The following SARNP variants were observed in gnomAD, a reference collection of about 807,000 sequenced individuals.
SARNP encodes the protein SAP domain-containing ribonucleoprotein.
SARNP carries 5 observed loss-of-function variants against 38.1 expected under a neutral mutation model. That is an observed-to-expected ratio of 0.13 (90% CI 0.07 to 0.28). SARNP has a LOEUF of 0.28. Ranked by LOEUF, SARNP falls within the 10% of genes least tolerant of loss-of-function variation. The pLI is 1.00. For missense variants in SARNP, 180 were observed against 243.9 expected, an observed-to-expected ratio of 0.74 and a Z score of 1.75; for synonymous variants, 84 against 80.6, an observed-to-expected ratio of 1.04 and a Z score of -0.23.
chr12:55,798,232 C>T (rs1233889556), intron 4 of SARNP, among the ~76,000 whole-genome samples: 1 of 152,132 alleles, frequency 6.6e-6, no homozygotes, highest in Non-Finnish European at 1.5e-5. Flanking sequence ...ATTACTGGCT[C>T]ACACCTGTAA....
At chr12:55,770,531 G>A (rs1203278012) in intron 9 of SARNP, among the ~76,000 whole-genome samples, 4 of 151,844 alleles carry the variant, frequency 2.6e-5, no homozygotes, top group African/African-American at 4.8e-5. Flanking sequence ...GAGCCACCAC[G>A]CCCAGCCTAT....
chr12:55,814,206 A>G (rs920721372), intron 1 of SARNP, among the ~76,000 whole-genome samples: 8 of 152,170 alleles, frequency 5.3e-5, no homozygotes, highest in Admixed American at 2.6e-4. Flanking sequence ...CGCTCCCCCT[A>G]CAAATCCCAT....
At chr12:55,768,968 C>T (rs1454374705) in intron 9 of SARNP, among the ~76,000 whole-genome samples, 1 of 152,190 alleles carries the variant, frequency 6.6e-6, no homozygotes, top group Non-Finnish European at 1.5e-5. Flanking sequence ...CCACCCTCCT[C>T]AGCCTCTCAA....
chr12:55,806,829 C>T (rs923489417), intron 1 of SARNP, among the ~76,000 whole-genome samples: 25 of 152,254 alleles, frequency 1.6e-4, no homozygotes, highest in African/African-American at 6.0e-4. Flanking sequence ...TGAGCCACCG[C>T]GCCCGGCCTT....
At position 55,778,233 on chromosome 12, in the gene SARNP, A is replaced by G. The variant is rs147236230; in HGVS notation, c.501+10842T>C. On this transcript the variant is annotated intron_variant, in intron 9 of 10. Transcript: ENST00000336133. ...ATGATCTCAGCTTACTGAGACCTCCACCTCCACGGTTCAAGCAATTCTCGT... is the reference window on the plus strand; with the variant it reads ...ATGATCTCAGCTTACTGAGACCTCCGCCTCCACGGTTCAAGCAATTCTCGT... Among the ~76,000 whole-genome samples, 430 of 152,018 alleles carry G rather than the reference A, an allele frequency of 2.8e-3. 1 individual carries two copies. Among genetic ancestry groups the G allele is most frequent in the African/African-American group, 9.8e-3 (408 of 41,430 alleles).
intron 7 of SARNP, among the ~76,000 whole-genome samples, chr12:55,792,344 G>A (rs6581083): frequency 0.99 from 151,191 of 152,232 alleles, 75,091 homozygotes; most frequent in Middle Eastern, 1. Flanking sequence ...CTACATTTAA[G>A]TTTTAAGTTC....
chr12:55,776,571 T>G (rs760399369), intron 9 of SARNP, among the ~76,000 whole-genome samples: 7 of 152,174 alleles, frequency 4.6e-5, no homozygotes, highest in Non-Finnish European at 7.3e-5. Flanking sequence ...ATTGTTGTAT[T>G]TTTCCCCCCA....
intron 1 of SARNP, among the ~76,000 whole-genome samples, chr12:55,803,940 G>C (rs1257627769): frequency 6.6e-6 from 1 of 152,102 alleles, no homozygotes; most frequent in Admixed American, 6.5e-5. Flanking sequence ...AGATGCTGAA[G>C]AATAAACATC....
chr12:55,803,516 G>T, intron 2 of SARNP, 113 bp downstream of exon 2: 1 of 564,692 alleles, frequency 1.8e-6, no homozygotes, highest in Non-Finnish European at 3.1e-6. Context: ...TCTTGATGCC[G>T]TTAATTAAGA....
downstream of SARNP, chr12:55,752,868 G>C (rs778424132): frequency 5.3e-5 from 8 of 152,120 alleles, no homozygotes; most frequent in Non-Finnish European, 1.0e-4. Flanking sequence ...AGCGGTCAAA[G>C]AGTTTAGAAT....
At position 55,815,262 on chromosome 12, in the gene SARNP, G is replaced by A. The variant is rs192840992; in HGVS notation, c.36+2404C>T. ...TTTTGTAGAGACAGGGTCTCACTAT[G>A]TTACCTAAGCTGGTCTCAAACTCCT... On this transcript the variant is annotated intron_variant, in intron 1 of 10. Transcript: ENST00000336133. Among the ~76,000 whole-genome samples the A allele has an allele frequency of 4.4e-3, 671 of 152,192 alleles. 6 individuals are homozygous for A. The highest frequency in any genetic ancestry group is 6.7e-3 in the Non-Finnish European group (458 of 67,998).
intron 2 of SARNP, among the ~76,000 whole-genome samples, chr12:55,801,885 T>C (rs1414097345): frequency 6.6e-6 from 1 of 152,158 alleles, no homozygotes; most frequent in Non-Finnish European, 1.5e-5. Flanking sequence ...CCCAAAGTGC[T>C]GAGTTACAGG....
In SARNP at chr12:55,782,414, C is replaced by T. The variant is rs193220752; in HGVS notation, c.501+6661G>A. On this transcript the variant is annotated intron_variant, in intron 9 of 10. Transcript: ENST00000336133. ...CCTAAAGTATGAAGTTTCTCCTTTC[C>T]GAGGGTGCCAATGTTTGAAAAATAC... 4.6e-5 allele frequency among the ~76,000 whole-genome samples: 7 copies of T among 152,180 alleles called. No individual in the cohort carries two copies. The East Asian group carries it at 1.2e-3, about 25-fold the overall frequency.
chr12:55,812,992 G>A (rs907941957), intron 1 of SARNP, among the ~76,000 whole-genome samples: 1 of 152,120 alleles, frequency 6.6e-6, no homozygotes, highest in Admixed American at 6.5e-5. Flanking sequence ...TGTTGCCCAG[G>A]CTGGAGTGCA....
At chr12:55,811,276 G>A (rs1304533762) in intron 1 of SARNP, among the ~76,000 whole-genome samples, 1 of 152,094 alleles carries the variant, frequency 6.6e-6, no homozygotes, top group Non-Finnish European at 1.5e-5. Flanking sequence ...ACACAGCTTG[G>A]CCAGGTGTGG....
At chr12:55,777,946 T>C (rs1328959835) in intron 9 of SARNP, among the ~76,000 whole-genome samples, 2 of 152,200 alleles carry the variant, frequency 1.3e-5, no homozygotes, top group African/African-American at 4.8e-5. Context: ...AGCAGTTGAA[T>C]GGCACACATA....
At chr12:55,801,025 G>A in intron 2 of SARNP, 125 bp from the exon 3 acceptor site, 1 of 756,542 alleles carries the variant, frequency 1.3e-6, no homozygotes, top group South Asian at 1.5e-5. Context: ...AGAAACTGAT[G>A]CACATAAAAT....
intron 9 of SARNP, among the ~76,000 whole-genome samples, chr12:55,781,687 G>A (rs527306416): frequency 3.9e-5 from 6 of 152,090 alleles, no homozygotes; most frequent in African/African-American, 1.4e-4. Flanking sequence ...AGCTATCCAA[G>A]AATATTCTAG....
intron 2 of SARNP, among the ~76,000 whole-genome samples, chr12:55,802,954 A>T (rs1167159187): frequency 2.0e-5 from 3 of 151,932 alleles, no homozygotes; most frequent in Non-Finnish European, 4.4e-5. Context: ...TACTTAGTGA[A>T]AAAAATGAGA....
Sources: gnomAD v4.1 joint callset for allele counts (sites outside exome capture counted in the v4.1 genomes callset) on GRCh38, gnomAD v4.1.1 for gene constraint, MANE v1.5 for transcripts, NCBI Gene and HGNC (gene_info 2026-07-23, HGNC 2026-07-21) for gene names.